MINDY2: variants seen among roughly 807,000 people sequenced by gnomAD.
The protein encoded by MINDY2 is ubiquitin carboxyl-terminal hydrolase MINDY-2.
MINDY2 carries 52 observed loss-of-function variants against 68.2 expected under a neutral mutation model. That is an observed-to-expected ratio of 0.76 (90% CI 0.61 to 0.96). MINDY2 has a LOEUF of 0.96. Among genes scored for constraint, MINDY2 ranks in the 40% least tolerant of loss-of-function variants. MINDY2 has a pLI of 0.00. For synonymous variants in MINDY2, 372 were observed against 303.0 expected (o/e 1.23, Z -2.36); for missense variants, 881 against 773.4 (o/e 1.14, Z -1.65).
intron 2 of MINDY2, among the ~76,000 whole-genome samples, chr15:58,791,750 T>C (rs1219174136): frequency 2.0e-5 from 3 of 151,936 alleles, no homozygotes; most frequent in African/African-American, 7.3e-5. Context: ...TGCTACTGGC[T>C]ACTGTATTAG....
intron 2 of MINDY2, among the ~76,000 whole-genome samples, chr15:58,792,244 T>A (rs1215769844): frequency 1.3e-5 from 2 of 152,204 alleles, no homozygotes; most frequent in Non-Finnish European, 2.9e-5. Flanking sequence ...AGAATTACCG[T>A]ATGACCATGA....
At chr15:58,824,047 A>G (rs531120339) in intron 5 of MINDY2, among the ~76,000 whole-genome samples, 24 of 152,230 alleles carry the variant, frequency 1.6e-4, no homozygotes, top group Non-Finnish European at 2.8e-4. Context: ...AAGTGGTAAC[A>G]GACAGAATGC....
intron 2 of MINDY2, among the ~76,000 whole-genome samples, chr15:58,798,804 G>T (rs34546804): frequency 0.13 from 20,194 of 152,156 alleles, 1,625 homozygotes; most frequent in East Asian, 0.41. Context: ...TTATTTGGAG[G>T]TGTCAACATG....
Position 58,804,594 on chromosome 15 carries a change from G to A in MINDY2, c.963+2217G>A, listed in dbSNP as rs181885849. 5.4e-3 allele frequency among the ~76,000 whole-genome samples: 828 copies of A among 152,204 alleles called. 2 individuals carry two copies. The highest frequency in any genetic ancestry group is 9.6e-3 in the Non-Finnish European group (651 of 68,008). On this transcript the variant is annotated intron_variant, in intron 3 of 8. Coordinates refer to ENST00000559228, the MANE Select transcript of MINDY2 (RefSeq NM_001040450.3). ...AGGCCAAAGCAGGCGGATTGCTTGA[G>A]CCCAGTAGTGAGACCAGCCTGGGCA...
At chr15:58,795,446 C>T (rs2140938642) in intron 2 of MINDY2, among the ~76,000 whole-genome samples, 1 of 152,094 alleles carries the variant, frequency 6.6e-6, no homozygotes, top group East Asian at 1.9e-4. Context: ...TGCTCTGTTG[C>T]CCAGGCTGGA....
chr15:58,794,899 G>A (rs1460056631), intron 2 of MINDY2, among the ~76,000 whole-genome samples: 1 of 152,032 alleles, frequency 6.6e-6, no homozygotes, highest in Non-Finnish European at 1.5e-5. Context: ...TAAATCTGTG[G>A]AAGTTGGGCC....
chr15:58,802,186 G>A (rs1358597596), intron 2 of MINDY2, 127 bp from the exon 3 acceptor site: 221 of 649,290 alleles, frequency 3.4e-4, no homozygotes, highest in Non-Finnish European at 3.2e-5. Context: ...GTAGGATTGG[G>A]GAGTCAATTT....
chr15:58,817,611 T>A (rs2030775599), intron 4 of MINDY2: 1 of 152,182 alleles, frequency 6.6e-6, no homozygotes, highest in South Asian at 2.1e-4. Context: ...TAATCCCAGC[T>A]ACTCAGGAGG....
chr15:58,843,711 G>A (rs8039141), intron 6 of MINDY2, among the ~76,000 whole-genome samples: 124,522 of 151,302 alleles, frequency 0.82, 52,402 homozygotes, highest in Middle Eastern at 0.94. Context: ...GTGGGCACCT[G>A]TAGTCCCAGC....
At chr15:58,799,066 A>T (rs1471460183) in intron 2 of MINDY2, among the ~76,000 whole-genome samples, 3 of 152,204 alleles carry the variant, frequency 2.0e-5, no homozygotes, top group African/African-American at 7.2e-5. Context: ...GCTACTAGGG[A>T]CATGTAAAAG....
intron 5 of MINDY2, among the ~76,000 whole-genome samples, chr15:58,823,597 C>G (rs1366200498): frequency 3.9e-5 from 6 of 152,064 alleles, no homozygotes; most frequent in Non-Finnish European, 7.4e-5. Flanking sequence ...CCCAGGAGGT[C>G]AAGGCTGCAG....
chr15:58,852,041 C>G (rs563288441), intron 8 of MINDY2, 76 bp downstream of exon 8: 2 of 1,157,050 alleles, frequency 1.7e-6, no homozygotes, highest in Non-Finnish European at 2.4e-6. Flanking sequence ...ATTCCCAGCC[C>G]TTTGGGAGGC....
chr15:58,827,104 C>T (rs1259547931), intron 5 of MINDY2, among the ~76,000 whole-genome samples: 1 of 152,152 alleles, frequency 6.6e-6, no homozygotes. Flanking sequence ...GTGTCTTTCC[C>T]AGTGCATCAA....
chr15:58,819,116 A>G (rs2030893967), intron 4 of MINDY2, among the ~76,000 whole-genome samples: 1 of 152,074 alleles, frequency 6.6e-6, no homozygotes, highest in South Asian at 2.1e-4. Context: ...AGCTGGGACT[A>G]TGGACGTGCA....
intron 6 of MINDY2, among the ~76,000 whole-genome samples, chr15:58,846,332 G>A (rs1257665433): frequency 1.3e-5 from 2 of 152,058 alleles, no homozygotes; most frequent in Non-Finnish European, 2.9e-5. Context: ...GGTGGCTCAC[G>A]CCTGTAATCC....
Position 58,859,533 on chromosome 15 carries a change from A to G in MINDY2, c.*4923A>G, listed in dbSNP as rs1417081559. 1 of 152,186 alleles carries G rather than the reference A, an allele frequency of 6.6e-6. No individual in the cohort carries two copies. Among genetic ancestry groups the G allele is most frequent in the African/African-American group, 2.4e-5 (1 of 41,448 alleles). The allele number at this position is 152,186 out of a possible 1,614,324, so 9.4% of individuals were successfully genotyped here. A position where few individuals can be genotyped will look rare whatever the true frequency, so the allele number is the denominator to read the frequency against. On this transcript the variant is annotated 3_prime_UTR_variant, in exon 9 of 9. Coordinates refer to ENST00000559228, the MANE Select transcript of MINDY2 (RefSeq NM_001040450.3). The stretch of plus-strand genomic sequence containing the variant: ...TCTGATAATTTAGTATATTTTATTA[A>G]TGATGTCCAACACCTCTAAGATTGT...
At chr15:58,816,587 T>A (rs1215390069) in intron 4 of MINDY2, among the ~76,000 whole-genome samples, 1 of 152,084 alleles carries the variant, frequency 6.6e-6, no homozygotes, top group Non-Finnish European at 1.5e-5. Flanking sequence ...CAAAGTATTT[T>A]AAATATTGTA....
chr15:58,796,810 A>G (rs1902314974), intron 2 of MINDY2, among the ~76,000 whole-genome samples: 1 of 152,254 alleles, frequency 6.6e-6, no homozygotes, highest in Non-Finnish European at 1.5e-5. Context: ...GGCATTAGCC[A>G]CTGCACCTGG....
chr15:58,826,420 G>T (rs936161837), intron 5 of MINDY2, among the ~76,000 whole-genome samples: 1 of 151,698 alleles, frequency 6.6e-6, no homozygotes, highest in Non-Finnish European at 1.5e-5. Context: ...GTAGAGATGG[G>T]GTTTCTCTGT....
Sources: gnomAD v4.1 joint callset for allele counts (sites outside exome capture counted in the v4.1 genomes callset) on GRCh38, gnomAD v4.1.1 for gene constraint, MANE v1.5 for transcripts, NCBI Gene and HGNC (gene_info 2026-07-23, HGNC 2026-07-21) for gene names.